The following LRRTM4 variants were observed in gnomAD, a reference collection of about 807,000 sequenced individuals.
The protein encoded by LRRTM4 is leucine-rich repeat transmembrane neuronal protein 4.
A neutral mutation model predicts 47.6 loss-of-function variants in LRRTM4; 25 were observed. The ratio of observed to expected loss-of-function variants is 0.53; its 90% CI spans 0.38 to 0.73. LRRTM4 has a LOEUF of 0.73. LRRTM4 is among the 30% of genes least tolerant of loss of function. The pLI, the probability that LRRTM4 is intolerant of heterozygous loss-of-function variation, is 0.00. For missense variants in LRRTM4, 638 were observed against 713.4 expected, an observed-to-expected ratio of 0.89 and a Z score of 1.20; for synonymous variants, 311 against 269.5, an observed-to-expected ratio of 1.15 and a Z score of -1.51.
intron 3 of LRRTM4, among the ~76,000 whole-genome samples, chr2:77,076,701 C>T (rs1680347954): frequency 6.6e-6 from 1 of 152,164 alleles, no homozygotes; most frequent in Admixed American, 6.5e-5. Context: ...AAAAGTCATG[C>T]AAATGAGTAG....
intron 3 of LRRTM4, among the ~76,000 whole-genome samples, chr2:77,118,749 G>A (rs922649454): frequency 4.6e-5 from 7 of 151,664 alleles, no homozygotes; most frequent in Non-Finnish European, 8.9e-5. Context: ...TTGAGAGCCC[G>A]AGACAAGTTA....
At position 76,974,201 on chromosome 2, in the gene LRRTM4, T is replaced by TATATATACATATATATATACATAC. The variant is rs1558771637; in HGVS notation, c.1552-225286_1552-225285insGTATGTATATATATATGTATATAT. Among the ~76,000 whole-genome samples, 7 of 70,698 alleles carry TATATATACATATATATATACATAC rather than the reference T, an allele frequency of 9.9e-5. No individual in the cohort carries two copies. The East Asian group carries it at 1.1e-3, about 11-fold the overall frequency. The allele number at this position is 70,698 out of a possible 152,430, so 46.4% of individuals were successfully genotyped here. ...ATATATACATACATATATATACATA[T>TATATATACATATATATATACATAC]ATATATATACACATATATATACATA... On this transcript the variant is annotated intron_variant, in intron 3 of 3. Transcript: ENST00000409884.
chr2:76,982,834 A>C (rs1676657519), intron 3 of LRRTM4, among the ~76,000 whole-genome samples: 2 of 152,112 alleles, frequency 1.3e-5, no homozygotes, highest in Non-Finnish European at 2.9e-5. Flanking sequence ...CAAATACAGG[A>C]AACACTTGCA....
intron 3 of LRRTM4, among the ~76,000 whole-genome samples, chr2:77,396,041 T>C (rs1673687642): frequency 1.3e-5 from 2 of 152,108 alleles, no homozygotes; most frequent in Admixed American, 6.6e-5. Flanking sequence ...CACAGAAACA[T>C]TTCTTTGAAC....
At chr2:76,922,681 A>G (rs1360185578) in intron 3 of LRRTM4, among the ~76,000 whole-genome samples, 1 of 132,128 alleles carries the variant, frequency 7.6e-6, no homozygotes, top group Non-Finnish European at 1.6e-5. Flanking sequence ...AAGATAAACA[A>G]GTTCTGGAGG....
chr2:76,987,662 A>AT (rs1676850823), intron 3 of LRRTM4, among the ~76,000 whole-genome samples: 1 of 151,924 alleles, frequency 6.6e-6, no homozygotes, highest in Non-Finnish European at 1.5e-5. Flanking sequence ...AGATAAATGT[A>AT]TTTTAGAGTT....
intron 3 of LRRTM4, among the ~76,000 whole-genome samples, chr2:77,168,383 T>C (rs12172892): frequency 0.64 from 97,482 of 151,782 alleles, 31,300 homozygotes; most frequent in South Asian, 0.69. Context: ...TGCTACTTAT[T>C]ATCTCTTTTA....
intron 3 of LRRTM4, among the ~76,000 whole-genome samples, chr2:77,362,175 A>AAAGAG (rs1558707517): frequency 1.1e-4 from 16 of 151,864 alleles, no homozygotes; most frequent in African/African-American, 3.6e-4. Context: ...GAAAGAAAGG[A>AAAGAG]AGGAAGGAAG....
intron 3 of LRRTM4, among the ~76,000 whole-genome samples, chr2:76,912,042 C>A (rs1674083826): frequency 6.6e-6 from 1 of 151,628 alleles, no homozygotes; most frequent in Admixed American, 6.6e-5. Flanking sequence ...CATTCTCCTG[C>A]CCCGAGTAGC....
At chr2:76,793,108 C>T (rs1014907941) in intron 3 of LRRTM4, among the ~76,000 whole-genome samples, 13 of 152,142 alleles carry the variant, frequency 8.5e-5, no homozygotes, top group Non-Finnish European at 2.9e-5. Context: ...CTTGGAATTA[C>T]AGGTTAATAT....
At chr2:76,893,307 G>A (rs917371209) in intron 3 of LRRTM4, among the ~76,000 whole-genome samples, 1 of 151,500 alleles carries the variant, frequency 6.6e-6, no homozygotes, top group Admixed American at 6.6e-5. Context: ...AAATAAAAAT[G>A]GCAACTTTCC....
At chr2:76,996,387 C>T (rs541964518) in intron 3 of LRRTM4, among the ~76,000 whole-genome samples, 7 of 151,998 alleles carry the variant, frequency 4.6e-5, no homozygotes, top group African/African-American at 1.7e-4. Context: ...CATAATTTTG[C>T]TTAGAGTCCT....
chr2:77,172,611 AT>A (rs139288158), intron 3 of LRRTM4, among the ~76,000 whole-genome samples: 17 of 151,658 alleles, frequency 1.1e-4, no homozygotes, highest in Non-Finnish European at 1.5e-4. Flanking sequence ...AAAAAAAAAA[AT>A]AAAAATAAAT....
In LRRTM4 at chr2:76,947,866, C is replaced by G. The variant is rs1363637222; in HGVS notation, c.1552-198950G>C. Among the ~76,000 whole-genome samples the G allele has an allele frequency of 3.3e-5, 5 of 151,812 alleles. No homozygotes were observed. The South Asian group carries it at 1.0e-3, about 31-fold the overall frequency. On this transcript the variant is annotated intron_variant, in intron 3 of 3. Coordinates refer to ENST00000409884, the MANE Select transcript of LRRTM4 (RefSeq NM_001134745.3). The stretch of plus-strand genomic sequence containing the variant: ...CATTTACAGCAGATTCTTATCAGAG[C>G]CCAAGCAAAAGAAAGAAATTGCAAG...
chr2:77,451,641 T>A (rs1374031563), intron 3 of LRRTM4, among the ~76,000 whole-genome samples: 2 of 152,214 alleles, frequency 1.3e-5, no homozygotes, highest in Non-Finnish European at 2.9e-5. Context: ...TGATAATATG[T>A]CAATGAACAA....
At chr2:76,974,205 TATATAC>T (rs572097300) in intron 3 of LRRTM4, among the ~76,000 whole-genome samples, 1,815 of 83,962 alleles carry the variant, frequency 0.022, 66 homozygotes, top group African/African-American at 0.12. Context: ...TACATATATA[TATATAC>T]ACATATATAT....
At chr2:76,992,686 A>G (rs1216697238) in intron 3 of LRRTM4, among the ~76,000 whole-genome samples, 3 of 151,822 alleles carry the variant, frequency 2.0e-5, no homozygotes, top group Admixed American at 6.6e-5. Flanking sequence ...TATCATTAAG[A>G]TGGCTATACT....
At chr2:77,478,545 A>T (rs2104010782) in intron 3 of LRRTM4, among the ~76,000 whole-genome samples, 1 of 152,334 alleles carries the variant, frequency 6.6e-6, no homozygotes. Flanking sequence ...ATTGACAAAC[A>T]TTTAATTTAG....
rs1410270030 is a variant in LRRTM4 at position 77,049,129 on chromosome 2, T to TATATATAC, written c.1552-300214_1552-300213insGTATATAT. 1.6e-3 allele frequency among the ~76,000 whole-genome samples: 171 copies of TATATATAC among 105,742 alleles called. 5 individuals carry two copies. Among genetic ancestry groups the TATATATAC allele is most frequent in the African/African-American group, 6.9e-3 (148 of 21,334 alleles). 69.4% of individuals were successfully genotyped at this position (105,742 alleles called of 152,430 possible). ...TAAATAATATTTCATTTTTTATATA[T>TATATATAC]ATATATATATATATATATATATATA... On this transcript the variant is annotated intron_variant, in intron 3 of 3. Coordinates refer to ENST00000409884, the MANE Select transcript of LRRTM4 (RefSeq NM_001134745.3).
Sources: allele counts gnomAD v4.1 joint callset (sites outside exome capture counted in the v4.1 genomes callset), GRCh38; gene constraint gnomAD v4.1.1; transcripts MANE v1.5; gene names NCBI Gene and HGNC (gene_info 2026-07-23, HGNC 2026-07-21).